HCN1: variants seen among roughly 807,000 people sequenced by gnomAD.
HCN1 encodes potassium/sodium hyperpolarization-activated cyclic nucleotide-gated channel 1.
In HCN1, 13 loss-of-function variants were observed where a neutral mutation model predicts 78.9. The observed-to-expected ratio is 0.16, with a 90% CI of 0.11 to 0.26. The LOEUF is 0.26. Ranked by LOEUF, HCN1 falls within the 10% of genes least tolerant of loss-of-function variation. The probability of loss-of-function intolerance (pLI) is 1.00; values close to 1 mark genes in which losing one functional copy is unlikely to be tolerated. For missense variants in HCN1, 810 were observed against 1,154.3 expected (o/e 0.70, Z 4.32); for synonymous variants, 552 against 455.5 (o/e 1.21, Z -2.70).
At chr5:45,402,027 GAGT>G (rs1478445404) in intron 3 of HCN1, among the ~76,000 whole-genome samples, 1 of 152,086 alleles carries the variant, frequency 6.6e-6, no homozygotes, top group Non-Finnish European at 1.5e-5. Context: ...GTTTGATGGG[GAGT>G]AGGAGTATTT....
chr5:45,543,582 C>T (rs1579959228), intron 2 of HCN1, among the ~76,000 whole-genome samples: 1 of 152,036 alleles, frequency 6.6e-6, no homozygotes, highest in Non-Finnish European at 1.5e-5. Flanking sequence ...TTTTTGCTTA[C>T]TTCCAATCCA....
At chr5:45,515,484 A>C (rs916037161) in intron 2 of HCN1, among the ~76,000 whole-genome samples, 4 of 152,032 alleles carry the variant, frequency 2.6e-5, no homozygotes, top group Non-Finnish European at 5.9e-5. Context: ...CATTCAATTC[A>C]ATTCAAAATG....
intron 5 of HCN1, among the ~76,000 whole-genome samples, chr5:45,348,862 G>T (rs1318005296): frequency 6.6e-6 from 1 of 152,148 alleles, no homozygotes; most frequent in African/African-American, 2.4e-5. Flanking sequence ...GGAGCACCCA[G>T]ATTCATAAAG....
intron 2 of HCN1, among the ~76,000 whole-genome samples, chr5:45,610,167 T>C (rs1314148650): frequency 6.6e-6 from 1 of 152,118 alleles, no homozygotes; most frequent in East Asian, 1.9e-4. Context: ...ATAAATGTCC[T>C]TTCCAGAATT....
rs546784601 is a variant in HCN1 at position 45,564,264 on chromosome 5, CT to C, written c.849+80920del. On this transcript the variant is annotated intron_variant, in intron 2 of 7. Transcript: ENST00000303230. ...TAAATGTGGGTGAACCTTTAGGAAG[CT>C]TTTTTTTTTTTTTGAGACGGAGTCT... Among the ~76,000 whole-genome samples the C allele has an allele frequency of 4.5e-3, 645 of 141,792 alleles. 2 individuals are homozygous for C. The highest frequency in any genetic ancestry group is 7.7e-3 in the African/African-American group (300 of 38,956). The allele number at this position is 141,792 out of a possible 152,430, so 93.0% of individuals were successfully genotyped here.
intron 1 of HCN1, among the ~76,000 whole-genome samples, chr5:45,674,065 GC>G (rs1362337480): frequency 6.6e-6 from 1 of 151,320 alleles, no homozygotes; most frequent in Non-Finnish European, 1.5e-5. Context: ...ATTATACTCA[GC>G]TTTCCATGGG....
chr5:45,450,692 G>C (rs757275945), intron 3 of HCN1, among the ~76,000 whole-genome samples: 7 of 152,114 alleles, frequency 4.6e-5, no homozygotes, highest in Non-Finnish European at 7.4e-5. Context: ...TATTGTAATA[G>C]TAGTTGGTAG....
At chr5:45,292,221 C>T (rs1486626311) in intron 6 of HCN1, among the ~76,000 whole-genome samples, 1 of 151,944 alleles carries the variant, frequency 6.6e-6, no homozygotes, top group East Asian at 1.9e-4. Flanking sequence ...TCTCCATTAT[C>T]TTAATCTTAC....
chr5:45,372,476 A>C lies in HCN1; in HGVS notation c.1231-19230T>G, dbSNP rs1303222264. ...ATATAAAACATTTACATATAAAAAT[A>C]TATAAAACATTTACATATAAAAATA... On this transcript the variant is annotated intron_variant, in intron 4 of 7. Coordinates refer to ENST00000303230, the MANE Select transcript of HCN1 (RefSeq NM_021072.4). Among the ~76,000 whole-genome samples the C allele has an allele frequency of 2.0e-4, 26 of 126,860 alleles. No individual in the cohort carries two copies. In the South Asian group the frequency reaches 6.0e-3, roughly 29 times the overall value. The allele number at this position is 126,860 out of a possible 152,430, so 83.2% of individuals were successfully genotyped here.
intron 5 of HCN1, among the ~76,000 whole-genome samples, chr5:45,347,829 G>C (rs1746782730): frequency 6.6e-6 from 1 of 152,098 alleles, no homozygotes; most frequent in African/African-American, 2.4e-5. Context: ...AGAAGAAAAG[G>C]AAACAAACAA....
chr5:45,531,918 T>A (rs1742860046), intron 2 of HCN1, among the ~76,000 whole-genome samples: 1 of 152,126 alleles, frequency 6.6e-6, no homozygotes, highest in African/African-American at 2.4e-5. Flanking sequence ...TGTGCACTTG[T>A]GGTCCCAGCT....
intron 2 of HCN1, among the ~76,000 whole-genome samples, chr5:45,535,751 ATAAAGT>A (rs903634709): frequency 1.3e-5 from 2 of 152,182 alleles, no homozygotes; most frequent in Non-Finnish European, 2.9e-5. Context: ...CTTTTCAGTG[ATAAAGT>A]TAAACAATAT....
At chr5:45,496,225 T>C (rs1191570657) in intron 2 of HCN1, among the ~76,000 whole-genome samples, 1 of 152,138 alleles carries the variant, frequency 6.6e-6, no homozygotes, top group Non-Finnish European at 1.5e-5. Context: ...TGAATCCATC[T>C]GGTCCTGGAC....
intron 2 of HCN1, among the ~76,000 whole-genome samples, chr5:45,487,226 T>C (rs1741787280): frequency 6.6e-6 from 1 of 152,108 alleles, no homozygotes; most frequent in Non-Finnish European, 1.5e-5. Context: ...AAAAATGTTT[T>C]TGATTAATAT....
At chr5:45,599,250 T>C (rs1476759988) in intron 2 of HCN1, among the ~76,000 whole-genome samples, 1 of 152,132 alleles carries the variant, frequency 6.6e-6, no homozygotes, top group Non-Finnish European at 1.5e-5. Context: ...TGAGTTGATG[T>C]CCTTTGCAGG....
intron 2 of HCN1, among the ~76,000 whole-genome samples, chr5:45,632,847 TA>T (rs1745291657): frequency 6.6e-6 from 1 of 151,980 alleles, no homozygotes; most frequent in South Asian, 2.1e-4. Context: ...GGGGTACAAG[TA>T]AATGAATAAT....
At chr5:45,391,676 C>CT (rs746557664) in intron 4 of HCN1, among the ~76,000 whole-genome samples, 1 of 152,094 alleles carries the variant, frequency 6.6e-6, no homozygotes, top group Non-Finnish European at 1.5e-5. Flanking sequence ...TAAGAAATGG[C>CT]TTCAAATCTG....
chr5:45,670,120 A>T (rs1468936611), intron 1 of HCN1, among the ~76,000 whole-genome samples: 1 of 151,732 alleles, frequency 6.6e-6, no homozygotes, highest in Non-Finnish European at 1.5e-5. Context: ...AAAAAATTAT[A>T]CATTCACCAA....
In HCN1 at chr5:45,372,659, T is replaced by C. The variant is rs1251648815; in HGVS notation, c.1231-19413A>G. On this transcript the variant is annotated intron_variant, in intron 4 of 7. Coordinates refer to ENST00000303230, the MANE Select transcript of HCN1 (RefSeq NM_021072.4). Reference sequence around the variant, plus strand: ...ATTTTATATAAAAATATATAAAACATTTATATATAAAAATATAAAATATTT... The same window carrying C: ...ATTTTATATAAAAATATATAAAACACTTATATATAAAAATATAAAATATTT... 3.7e-5 allele frequency among the ~76,000 whole-genome samples: 3 copies of C among 80,252 alleles called. 1 individual carries two copies. Among genetic ancestry groups the C allele is most frequent in the Non-Finnish European group, 6.4e-5 (3 of 46,624 alleles). 52.6% of individuals were successfully genotyped at this position (80,252 alleles called of 152,430 possible). A position where few individuals can be genotyped will look rare whatever the true frequency, so the allele number is the denominator to read the frequency against.
Sources: allele counts gnomAD v4.1 joint callset (sites outside exome capture counted in the v4.1 genomes callset), GRCh38; gene constraint gnomAD v4.1.1; transcripts MANE v1.5; gene names NCBI Gene and HGNC (gene_info 2026-07-23, HGNC 2026-07-21).